Variants in SOX5 observed in about 807,000 individuals in gnomAD.
The protein encoded by SOX5 is transcription factor SOX-5.
SOX5 carries 9 observed loss-of-function variants against 92.0 expected under a neutral mutation model. The observed-to-expected ratio is 0.10, with a 90% CI of 0.06 to 0.17. The LOEUF is 0.17. Among genes scored for constraint, SOX5 ranks in the 10% least tolerant of loss-of-function variants. The pLI, the probability that SOX5 is intolerant of heterozygous loss-of-function variation, is 1.00. For synonymous variants in SOX5, 344 were observed against 336.3 expected, an observed-to-expected ratio of 1.02 and a Z score of -0.25; for missense variants, 642 against 944.5, an observed-to-expected ratio of 0.68 and a Z score of 4.20.
intron 6 of SOX5, among the ~76,000 whole-genome samples, chr12:23,696,335 C>T (rs2089857658): frequency 6.6e-6 from 1 of 152,010 alleles, no homozygotes; most frequent in Admixed American, 6.6e-5. Context: ...TGCATTTCTC[C>T]TTGAGCGAGC....
intron 1 of SOX5, among the ~76,000 whole-genome samples, chr12:24,528,487 T>C (rs1429791372): frequency 1.3e-5 from 2 of 152,228 alleles, no homozygotes; most frequent in Non-Finnish European, 2.9e-5. Flanking sequence ...TCCAAAGCTT[T>C]GTCAATAACC....
At chr12:23,732,842 C>T (rs968367115) in intron 6 of SOX5, among the ~76,000 whole-genome samples, 1 of 152,088 alleles carries the variant, frequency 6.6e-6, no homozygotes, top group Non-Finnish European at 1.5e-5. Flanking sequence ...TTAAACTTGG[C>T]CTTTGCTCTC....
At chr12:24,254,480 T>C (rs1447049955) in intron 3 of SOX5, among the ~76,000 whole-genome samples, 1 of 151,634 alleles carries the variant, frequency 6.6e-6, no homozygotes, top group Non-Finnish European at 1.5e-5. Flanking sequence ...CAAACACCTA[T>C]ATTAGCCTAC....
At chr12:23,968,594 G>A (rs74069858) in intron 4 of SOX5, among the ~76,000 whole-genome samples, 3 of 152,232 alleles carry the variant, frequency 2.0e-5, no homozygotes, top group African/African-American at 7.2e-5. Flanking sequence ...GAAGGCCCTC[G>A]CCAGATGCTG....
At chr12:23,709,436 G>T (rs568481134) in intron 6 of SOX5, among the ~76,000 whole-genome samples, 1 of 152,092 alleles carries the variant, frequency 6.6e-6, no homozygotes, top group African/African-American at 2.4e-5. Flanking sequence ...AAATACAGAA[G>T]CATCCTCTAG....
intron 13 of SOX5, among the ~76,000 whole-genome samples, chr12:23,542,561 C>T (rs1336680054): frequency 6.6e-6 from 1 of 152,102 alleles, no homozygotes; most frequent in Admixed American, 6.5e-5. Context: ...AGAGTAAATG[C>T]GTACTTTGTT....
intron 4 of SOX5, among the ~76,000 whole-genome samples, chr12:24,012,908 GTAGAAGCAA>G (rs1412856190): frequency 6.6e-6 from 1 of 152,094 alleles, no homozygotes; most frequent in Non-Finnish European, 1.5e-5. Flanking sequence ...AATCTATTCA[GTAGAAGCAA>G]TAGGAACTAT....
At chr12:23,596,796 GT>G (rs1186583967) in intron 9 of SOX5, among the ~76,000 whole-genome samples, 1 of 152,074 alleles carries the variant, frequency 6.6e-6, no homozygotes, top group Non-Finnish European at 1.5e-5. Context: ...GTTCATTGAG[GT>G]TTTATCAGAT....
In SOX5 at chr12:23,536,617, C is replaced by T. The variant is rs1940524336; in HGVS notation, c.1824G>A (p.Glu608=). The change falls in exon 14 of 15, where the codon GAG becomes GAA. Residue 608 remains glutamate, a synonymous_variant. Transcript: ENST00000451604. ...GGTGCTGCTTGCTGAGACGGGCTTG[C>T]TCCTCATAATATGGCTGTTTCTCTA... ...TNLEKQPYYE[E]QARLSKQHLE... 4 of 1,614,040 alleles carry T rather than the reference C, an allele frequency of 2.5e-6. No homozygotes were observed. In the South Asian group the frequency reaches 3.3e-5, roughly 13 times the overall value.
chr12:24,106,767 G>A (rs1168004346), intron 4 of SOX5, among the ~76,000 whole-genome samples: 1 of 148,786 alleles, frequency 6.7e-6, no homozygotes, highest in Non-Finnish European at 1.5e-5. Context: ...ACTCCAGCCT[G>A]GGCAACAGAG....
intron 4 of SOX5, among the ~76,000 whole-genome samples, chr12:24,071,015 T>C (rs1373852041): frequency 6.6e-6 from 1 of 152,228 alleles, no homozygotes; most frequent in Non-Finnish European, 1.5e-5. Flanking sequence ...AAATTTTCTG[T>C]ACATTATCTT....
At chr12:24,217,856 G>C (rs1959394412) in intron 3 of SOX5, among the ~76,000 whole-genome samples, 1 of 152,116 alleles carries the variant, frequency 6.6e-6, no homozygotes, top group South Asian at 2.1e-4. Flanking sequence ...CATTTCACTA[G>C]AGAAGATGTA....
intron 1 of SOX5, among the ~76,000 whole-genome samples, chr12:23,941,884 T>C (rs1943715850): frequency 6.6e-6 from 1 of 151,224 alleles, no homozygotes; most frequent in South Asian, 2.1e-4. Flanking sequence ...CTGAATTATA[T>C]GTGACATCCC....
intron 12 of SOX5, among the ~76,000 whole-genome samples, chr12:23,544,866 G>A (rs1942813944): frequency 6.6e-6 from 1 of 152,202 alleles, no homozygotes; most frequent in Admixed American, 6.5e-5. Flanking sequence ...TAACTAGCAA[G>A]TGATCATTTG....
intron 1 of SOX5, among the ~76,000 whole-genome samples, chr12:24,493,440 G>T (rs984957611): frequency 1.6e-4 from 25 of 152,054 alleles, no homozygotes; most frequent in African/African-American, 5.1e-4. Flanking sequence ...ATTAAAACTG[G>T]TTCATTAATT....
At chr12:23,819,796 T>C (rs560633097) in intron 3 of SOX5, among the ~76,000 whole-genome samples, 17 of 152,358 alleles carry the variant, frequency 1.1e-4, no homozygotes, top group South Asian at 8.3e-4. Flanking sequence ...TTTCATGGTG[T>C]ATATGTGCCA....
rs34611781 is a variant in SOX5, at chr12:24,071,205, T to C, written c.-2+142138A>G. 4.3e-3 allele frequency among the ~76,000 whole-genome samples: 653 copies of C among 152,266 alleles called. 7 individuals carry two copies. Among genetic ancestry groups the C allele is most frequent in the African/African-American group, 0.015 (612 of 41,558 alleles). On this transcript the variant is annotated intron_variant, in intron 4 of 4. Transcript: ENST00000446891. ...TGTAGACCATTAAATATGACCCCAA[T>C]TAATGGCTTAAAAATTAAATGCTCA...
At chr12:24,455,895 G>T (rs1033009719) in intron 1 of SOX5, among the ~76,000 whole-genome samples, 8 of 152,070 alleles carry the variant, frequency 5.3e-5, no homozygotes, top group Non-Finnish European at 1.2e-4. Context: ...GAGTAGAGAG[G>T]CCCAGTATCC....
At chr12:23,723,561 A>G (rs2092939284) in intron 6 of SOX5, among the ~76,000 whole-genome samples, 1 of 80,790 alleles carries the variant, frequency 1.2e-5, no homozygotes. Flanking sequence ...ATTAGAGGAG[A>G]AAAATTATAT....
Sources: allele counts gnomAD v4.1 joint callset (sites outside exome capture counted in the v4.1 genomes callset), GRCh38; gene constraint gnomAD v4.1.1; transcripts MANE v1.5; gene names NCBI Gene and HGNC (gene_info 2026-07-23, HGNC 2026-07-21).